Variants in CNPY1 observed in about 807,000 individuals in gnomAD.
The protein encoded by CNPY1 is protein canopy homolog 1.
Under a neutral mutation model 14.4 loss-of-function variants are expected in CNPY1, and 14 were observed. The observed-to-expected ratio is 0.97, with a 90% confidence interval of 0.64 to 1.52. The LOEUF (loss-of-function observed/expected upper bound fraction) is 1.52. Among genes scored for constraint, CNPY1 ranks in the 40% most tolerant of loss-of-function variants. The probability of loss-of-function intolerance (pLI) is 0.00; values close to 1 mark genes in which losing one functional copy is unlikely to be tolerated. For missense variants in CNPY1, 129 were observed against 131.5 expected (o/e 0.98, Z 0.09); for synonymous variants, 43 against 46.5 (o/e 0.92, Z 0.31).
At chr7:155,534,467 G>T (rs1003517871) in intron 2 of CNPY1, among the ~76,000 whole-genome samples, 1 of 152,148 alleles carries the variant, frequency 6.6e-6, no homozygotes, top group Non-Finnish European at 1.5e-5. Flanking sequence ...ACACACACTC[G>T]ATGCGAACAC....
chr7:155,505,631 A>G (rs1165077169), intron 4 of CNPY1, among the ~76,000 whole-genome samples: 1 of 152,214 alleles, frequency 6.6e-6, no homozygotes, highest in Non-Finnish European at 1.5e-5. Flanking sequence ...GAGAGGGCCC[A>G]TGTAGCAGTG....
chr7:155,546,458 G>A lies in CNPY1; in HGVS notation c.-44C>T. 2.5e-6 allele frequency: 1 copy of A among 397,750 alleles called. No homozygotes were observed. The highest frequency in any genetic ancestry group is 4.4e-6 in the Non-Finnish European group (1 of 225,960). 24.6% of individuals were successfully genotyped at this position (397,750 alleles called of 1,614,324 possible). On this transcript the variant is annotated 5_prime_UTR_variant, in exon 1 of 5. Coordinates refer to ENST00000636446, the MANE Select transcript of CNPY1 (RefSeq NM_001393663.1). Reference sequence around the variant, plus strand: ...GCCTCCTGAATTGCTGGGATTACAAGTATCAGCCACCATGTGCAGCCTTCA... The same window carrying A: ...GCCTCCTGAATTGCTGGGATTACAAATATCAGCCACCATGTGCAGCCTTCA...
chr7:155,514,181 C>G (rs1796574663), intron 2 of CNPY1, among the ~76,000 whole-genome samples: 1 of 152,186 alleles, frequency 6.6e-6, no homozygotes, highest in Non-Finnish European at 1.5e-5. Context: ...TTCATTCATT[C>G]AACAAATATT....
intron 2 of CNPY1, among the ~76,000 whole-genome samples, chr7:155,514,484 C>A (rs991457450): frequency 5.9e-5 from 9 of 152,184 alleles, no homozygotes; most frequent in African/African-American, 2.2e-4. Flanking sequence ...ACCACCTCTG[C>A]AAAACATTTC....
intron 2 of CNPY1, among the ~76,000 whole-genome samples, chr7:155,527,030 T>TCTTC (rs139579911): frequency 3.6e-5 from 3 of 83,270 alleles, no homozygotes; most frequent in Non-Finnish European, 4.3e-5. Flanking sequence ...TTCTTTTCTT[T>TCTTC]TTTCTTTCTT....
chr7:155,520,605 C>T (rs367900750), intron 2 of CNPY1, among the ~76,000 whole-genome samples: 3 of 151,924 alleles, frequency 2.0e-5, no homozygotes, highest in East Asian at 1.9e-4. Context: ...AAGTCCTTCA[C>T]GTCATTTGTT....
Position 155,502,718 on chromosome 7 carries a change from C to G in CNPY1, c.*350G>C, listed in dbSNP as rs749877607. ...CTGCGCTTGCATATGTGCACATACA[C>G]TGTTATAAAATAAGCAGCATACATT... is the stretch of plus-strand genomic sequence containing the variant. On this transcript the variant is annotated 3_prime_UTR_variant, in exon 5 of 5. Transcript: ENST00000636446. 1 of 252,608 alleles carries G rather than the reference C, an allele frequency of 4.0e-6. No homozygotes were observed. The highest frequency in any genetic ancestry group is 7.6e-6 in the Non-Finnish European group (1 of 131,102). The allele number at this position is 252,608 out of a possible 1,614,324, so 15.6% of individuals were successfully genotyped here. A position where few individuals can be genotyped will look rare whatever the true frequency, so the allele number is the denominator to read the frequency against.
At chr7:155,533,426 T>C (rs912408242) in intron 2 of CNPY1, among the ~76,000 whole-genome samples, 7 of 152,196 alleles carry the variant, frequency 4.6e-5, no homozygotes, top group African/African-American at 1.7e-4. Context: ...ACTCTAAGCA[T>C]ATGCCCAGGT....
At chr7:155,526,907 C>T (rs1796828325) in intron 2 of CNPY1, among the ~76,000 whole-genome samples, 1 of 152,114 alleles carries the variant, frequency 6.6e-6, no homozygotes, top group Admixed American at 6.5e-5. Context: ...GGATGCAGCA[C>T]CACGGAGGCT....
chr7:155,527,030 TTTTCTTTCTTTC>T (rs1554449557), intron 2 of CNPY1, among the ~76,000 whole-genome samples: 1 of 83,272 alleles, frequency 1.2e-5, no homozygotes, highest in African/African-American at 5.1e-5. Context: ...TTCTTTTCTT[TTTTCTTTCTTTC>T]TTTCTTTCTT....
intron 4 of CNPY1, among the ~76,000 whole-genome samples, chr7:155,505,083 CA>C (rs1796257386): frequency 1.3e-5 from 2 of 152,184 alleles, no homozygotes; most frequent in Non-Finnish European, 2.9e-5. Flanking sequence ...GCTATTAACT[CA>C]CTTCAACAGT....
In CNPY1 at chr7:155,509,069, A is replaced by C. The variant is rs1377113645; in HGVS notation, c.128T>G (p.Leu43Arg). The C allele has an allele frequency of 6.2e-7, 1 of 1,604,586 alleles. No homozygotes were observed. The highest frequency in any genetic ancestry group is 8.5e-7 in the Non-Finnish European group (1 of 1,177,168). The change falls in exon 3 of 5, where the codon CTA (leucine) becomes CGA (arginine). Residue 43 changes from leucine (L) to arginine (R), a missense_variant. Leu to Arg is a moderately radical substitution (Grantham distance 102). Transcript: ENST00000636446. ...KIPLAQSEAFLTDLLEKVCER... is the reference protein window; with the variant it reads ...KIPLAQSEAFRTDLLEKVCER... ...ACAGACTTTCTCCAAAAGATCCGTT[A>C]GGAACGCCTCCGACTGAGCTAGGGG...
rs957039907 is a variant in CNPY1, at chr7:155,536,699, A to G, written c.99+9132T>C. ...CGGGCTTGGAGGAGGAGGAGCCACA[A>G]GACAGAAGGGCCTGGGTCCCTGAAT... On this transcript the variant is annotated intron_variant, in intron 2 of 4. Transcript: ENST00000636446. This position sits in a 1 kb window ranked among gnomAD's most constrained non-coding sequence, Gnocchi z 4.1. 1.3e-5 allele frequency among the ~76,000 whole-genome samples: 2 copies of G among 152,146 alleles called. No individual in the cohort carries two copies. Among genetic ancestry groups the G allele is most frequent in the African/African-American group, 4.8e-5 (2 of 41,450 alleles).
chr7:155,514,059 C>G (rs532359451), intron 2 of CNPY1, among the ~76,000 whole-genome samples: 3 of 152,226 alleles, frequency 2.0e-5, no homozygotes, highest in Non-Finnish European at 4.4e-5. Context: ...CGGTGGGCAC[C>G]GCTCAGAGGG....
At chr7:155,519,881 T>C (rs902118123) in intron 2 of CNPY1, among the ~76,000 whole-genome samples, 1 of 152,220 alleles carries the variant, frequency 6.6e-6, no homozygotes, top group Non-Finnish European at 1.5e-5. Flanking sequence ...ACAGCCTCCA[T>C]ATCCACAGTT....
At chr7:155,538,032 A>C (rs1435670792) in intron 2 of CNPY1, among the ~76,000 whole-genome samples, 2 of 152,200 alleles carry the variant, frequency 1.3e-5, no homozygotes, top group African/African-American at 4.8e-5. Flanking sequence ...AGACACAGAC[A>C]CGTAAGAGGG....
chr7:155,514,293 TG>T (rs1194626217), intron 2 of CNPY1, among the ~76,000 whole-genome samples: 1 of 152,210 alleles, frequency 6.6e-6, no homozygotes, highest in African/African-American at 2.4e-5. Context: ...ATAAAATTTT[TG>T]GAAAAGAACA....
chr7:155,541,019 T>C (rs541009923), intron 2 of CNPY1, among the ~76,000 whole-genome samples: 1 of 152,372 alleles, frequency 6.6e-6, no homozygotes, highest in African/African-American at 2.4e-5. Context: ...AGTGCTGAGA[T>C]GCTGGCTGCA....
In CNPY1 at chr7:155,503,008, T is replaced by C; in HGVS notation, c.*60A>G. 1 of 1,456,810 alleles carries C rather than the reference T, an allele frequency of 6.9e-7. No individual in the cohort carries two copies. The highest frequency in any genetic ancestry group is 9.5e-7 in the Non-Finnish European group (1 of 1,053,788). The allele number at this position is 1,456,810 out of a possible 1,614,324, so 90.2% of individuals were successfully genotyped here. A position where few individuals can be genotyped will look rare whatever the true frequency, so the allele number is the denominator to read the frequency against. ...TGAAAGACAACATGCAAACATAAAA[T>C]GCAGACATTGACCTTTGGGTGTGAC... On this transcript the variant is annotated 3_prime_UTR_variant, in exon 5 of 5. Transcript: ENST00000636446.
Sources: allele counts gnomAD v4.1 joint callset (sites outside exome capture counted in the v4.1 genomes callset), GRCh38; gene constraint gnomAD v4.1.1; non-coding constraint Gnocchi (gnomAD v3.1); transcripts MANE v1.5; gene names NCBI Gene and HGNC (gene_info 2026-07-23, HGNC 2026-07-21).